The following LYPLAL1 variants were observed in gnomAD, a reference collection of about 807,000 sequenced individuals.
LYPLAL1 encodes the protein lysophospholipase like 1.
A neutral mutation model predicts 19.7 loss-of-function variants in LYPLAL1; 23 were observed. That is an observed-to-expected ratio of 1.17 (90% CI 0.84 to 1.65). The LOEUF is 1.65. LYPLAL1 is among the 40% of genes most tolerant of loss of function. The pLI is 0.00. For synonymous variants in LYPLAL1, 119 were observed against 96.3 expected (o/e 1.24, Z -1.38); for missense variants, 355 against 279.4 (o/e 1.27, Z -1.93).
chr1:219,203,657 C>A (rs1366351242), intron 3 of LYPLAL1, among the ~76,000 whole-genome samples: 1 of 152,042 alleles, frequency 6.6e-6, no homozygotes, highest in Non-Finnish European at 1.5e-5. Context: ...TGAAAGAAAG[C>A]AAGGGACACA....
chr1:219,345,407 C>T, the LYPLAL1 span, among the ~76,000 whole-genome samples: 1 of 152,142 alleles, frequency 6.6e-6, no homozygotes, highest in Non-Finnish European at 1.5e-5. Context: ...CTCTCCCTTA[C>T]CAGAAAGCTG....
At chr1:219,390,552 T>C in the LYPLAL1 span, among the ~76,000 whole-genome samples, 1 of 152,190 alleles carries the variant, frequency 6.6e-6, no homozygotes, top group African/African-American at 2.4e-5. Flanking sequence ...GCAGTTCTAT[T>C]CTTGCCCTTT....
At chr1:219,400,715 G>C in the LYPLAL1 span, among the ~76,000 whole-genome samples, 1 of 152,114 alleles carries the variant, frequency 6.6e-6, no homozygotes, top group Non-Finnish European at 1.5e-5. Flanking sequence ...GGCCAGGCTG[G>C]TCTTGAACTC....
chr1:219,302,770 C>T, the LYPLAL1 span, among the ~76,000 whole-genome samples: 2 of 152,192 alleles, frequency 1.3e-5, no homozygotes, highest in South Asian at 2.1e-4. Context: ...GTCTGGGATG[C>T]CCACTTTTTC....
chr1:219,403,619 T>C, the LYPLAL1 span, among the ~76,000 whole-genome samples: 1 of 152,134 alleles, frequency 6.6e-6, no homozygotes, highest in Non-Finnish European at 1.5e-5. Context: ...AGAAAAATAA[T>C]ATACATCATT....
At chr1:219,339,677 A>G in the LYPLAL1 span, among the ~76,000 whole-genome samples, 1 of 152,060 alleles carries the variant, frequency 6.6e-6, no homozygotes, top group Admixed American at 6.6e-5. Flanking sequence ...TTTCTAGCTT[A>G]GAGGTCTTTG....
At chr1:219,247,751 A>C in the LYPLAL1 span, among the ~76,000 whole-genome samples, 1 of 152,222 alleles carries the variant, frequency 6.6e-6, no homozygotes, top group African/African-American at 2.4e-5. Flanking sequence ...ACATGATAGC[A>C]GTTGGCTTCT....
At chr1:219,286,922 G>GA in the LYPLAL1 span, among the ~76,000 whole-genome samples, 7 of 151,974 alleles carry the variant, frequency 4.6e-5, no homozygotes, top group Non-Finnish European at 8.8e-5. Context: ...CTTCTTCCTT[G>GA]AAAAAATCTG....
intron 2 of LYPLAL1, among the ~76,000 whole-genome samples, chr1:219,184,296 T>C (rs1267176803): frequency 1.3e-5 from 2 of 151,938 alleles, no homozygotes; most frequent in Non-Finnish European, 2.9e-5. Context: ...TTATTGTAAA[T>C]GGAATGTTAA....
downstream of LYPLAL1, among the ~76,000 whole-genome samples, chr1:219,215,400 C>T (rs10863438): frequency 0.73 from 110,272 of 151,968 alleles, 40,849 homozygotes; most frequent in East Asian, 0.92. Flanking sequence ...TCTCTGTTGA[C>T]CACTGATTTT....
the LYPLAL1 span, among the ~76,000 whole-genome samples, chr1:219,413,092 C>CT: frequency 6.6e-6 from 1 of 151,744 alleles, no homozygotes; most frequent in East Asian, 1.9e-4. Context: ...CAGGATGTAA[C>CT]TGAGTCAGCT....
At chr1:219,290,605 T>G in the LYPLAL1 span, among the ~76,000 whole-genome samples, 1 of 152,196 alleles carries the variant, frequency 6.6e-6, no homozygotes, top group East Asian at 1.9e-4. Context: ...TAAACAAGTA[T>G]TGTACCTAGA....
At chr1:219,396,833 T>C in the LYPLAL1 span, among the ~76,000 whole-genome samples, 1 of 152,200 alleles carries the variant, frequency 6.6e-6, no homozygotes, top group Non-Finnish European at 1.5e-5. Context: ...AATTTGGACA[T>C]GTAGATATGG....
At chr1:219,393,975 T>C in the LYPLAL1 span, among the ~76,000 whole-genome samples, 50 of 152,010 alleles carry the variant, frequency 3.3e-4, no homozygotes, top group East Asian at 6.7e-3. Context: ...TTTATGTTTT[T>C]GTATATATGT....
chr1:219,340,819 C>T, the LYPLAL1 span, among the ~76,000 whole-genome samples: 3 of 151,940 alleles, frequency 2.0e-5, no homozygotes, highest in African/African-American at 4.8e-5. Flanking sequence ...ATCAGTGAAA[C>T]GACAACTAGA....
chr1:219,315,645 T>C, the LYPLAL1 span, among the ~76,000 whole-genome samples: 1 of 152,224 alleles, frequency 6.6e-6, no homozygotes, highest in Admixed American at 6.5e-5. Context: ...TAGTTCAAGA[T>C]GTTCACCAAC....
the LYPLAL1 span, among the ~76,000 whole-genome samples, chr1:219,299,901 T>C: frequency 6.6e-6 from 1 of 152,180 alleles, no homozygotes; most frequent in Non-Finnish European, 1.5e-5. Context: ...ATGTATGAAG[T>C]GTTTCCTCAG....
chr1:219,334,587 T>C, the LYPLAL1 span, among the ~76,000 whole-genome samples: 4 of 151,574 alleles, frequency 2.6e-5, no homozygotes, highest in Admixed American at 6.6e-5. Context: ...TGGCATTTTG[T>C]ATAACAACTT....
the LYPLAL1 span, among the ~76,000 whole-genome samples, chr1:219,265,417 A>G: frequency 6.6e-6 from 1 of 152,238 alleles, no homozygotes; most frequent in East Asian, 1.9e-4. Context: ...TTCAAGAGTT[A>G]CACAATAATC....
Sources: allele counts gnomAD v4.1 joint callset (sites outside exome capture counted in the v4.1 genomes callset), GRCh38; gene constraint gnomAD v4.1.1; transcripts MANE v1.5; gene names NCBI Gene and HGNC (gene_info 2026-07-23, HGNC 2026-07-21).